KLHDC1: variants seen among roughly 807,000 people sequenced by gnomAD.
KLHDC1 encodes kelch domain-containing protein 1.
In KLHDC1, 53 loss-of-function variants were observed where a neutral mutation model predicts 68.3. The observed-to-expected ratio is 0.78, with a 90% confidence interval of 0.62 to 0.98. The LOEUF (loss-of-function observed/expected upper bound fraction) is 0.98. KLHDC1 is among the 50% of genes least tolerant of loss of function. The pLI, the probability that KLHDC1 is intolerant of heterozygous loss-of-function variation, is 0.00. For missense variants in KLHDC1, 470 were observed against 492.3 expected (o/e 0.95, Z 0.43); for synonymous variants, 148 against 159.0 (o/e 0.93, Z 0.52).
At chr14:49,702,168 C>CAACA (rs1227014852) in intron 1 of KLHDC1, among the ~76,000 whole-genome samples, 3 of 70,946 alleles carry the variant, frequency 4.2e-5, no homozygotes, top group Admixed American at 1.5e-4. Flanking sequence ...AATTCTGTCT[C>CAACA]AAAAAAAAAA....
At chr14:49,700,030 CTTTTTTT>C in intron 1 of KLHDC1, 1 of 309,216 alleles carries the variant, frequency 3.2e-6, no homozygotes. Context: ...TGCTGTGAAC[CTTTTTTT>C]TTTTTTTTTT....
At chr14:49,743,439 T>C (rs534606584) in intron 11 of KLHDC1, among the ~76,000 whole-genome samples, 2 of 150,880 alleles carry the variant, frequency 1.3e-5, no homozygotes, top group African/African-American at 4.9e-5. Flanking sequence ...ACTACCGTTA[T>C]TTTTTAACTC....
rs1887611030 is a variant in KLHDC1 at position 49,693,139 on chromosome 14, GCC to G, written c.-55_-54del. 2.0e-6 allele frequency: 3 copies of G among 1,480,460 alleles called. No homozygotes were observed. In the South Asian group the frequency reaches 3.7e-5, roughly 18 times the overall value. The allele number at this position is 1,480,460 out of a possible 1,614,324, so 91.7% of individuals were successfully genotyped here. A position where few individuals can be genotyped will look rare whatever the true frequency, so the allele number is the denominator to read the frequency against. On this transcript the variant is annotated 5_prime_UTR_variant, in exon 1 of 13. Transcript: ENST00000359332. The stretch of plus-strand genomic sequence containing the variant: ...TGGAGCAGTCGGGGCTGGAGGCGAG[GCC>G]GCCGGGCGGGCAGGGGTTGTGGCGC...
At chr14:49,700,298 A>C (rs2139729146) in intron 1 of KLHDC1, 1 of 165,036 alleles carries the variant, frequency 6.1e-6, no homozygotes, top group Middle Eastern at 2.9e-3. Flanking sequence ...AAGTATCTTC[A>C]CAGGCTGGGT....
At chr14:49,750,156 T>C (rs1173585231) in intron 12 of KLHDC1, among the ~76,000 whole-genome samples, 1 of 152,236 alleles carries the variant, frequency 6.6e-6, no homozygotes, top group Admixed American at 6.5e-5. Context: ...TGGCTCGCAC[T>C]GCCAGAGACA....
chr14:49,722,474 C>A (rs1888553420), intron 4 of KLHDC1, among the ~76,000 whole-genome samples: 1 of 152,108 alleles, frequency 6.6e-6, no homozygotes, highest in Non-Finnish European at 1.5e-5. Context: ...CATAGTATTC[C>A]ATGGTGTGTA....
intron 10 of KLHDC1, among the ~76,000 whole-genome samples, chr14:49,735,162 C>T (rs900543659): frequency 6.6e-6 from 1 of 151,600 alleles, no homozygotes. Context: ...AAAGAAAATA[C>T]GTTATTTATG....
At chr14:49,699,158 T>C (rs1887828472) in intron 1 of KLHDC1, among the ~76,000 whole-genome samples, 1 of 59,368 alleles carries the variant, frequency 1.7e-5, no homozygotes. Context: ...AGCAAGACTG[T>C]CTCAAAAAAA....
intron 1 of KLHDC1, among the ~76,000 whole-genome samples, chr14:49,694,811 G>A (rs912026226): frequency 6.6e-6 from 1 of 152,150 alleles, no homozygotes; most frequent in African/African-American, 2.4e-5. Context: ...CCAAGATTGC[G>A]CCATTGCATT....
At chr14:49,695,124 G>GTGTGTGTGTGTGTGTGTGTA (rs1555337478) in intron 1 of KLHDC1, among the ~76,000 whole-genome samples, 2 of 150,748 alleles carry the variant, frequency 1.3e-5, no homozygotes, top group African/African-American at 4.9e-5. Flanking sequence ...TGATGTGTGT[G>GTGTGTGTGTGTGTGTGTGTA]TGTGTGTGTG....
chr14:49,695,116 A>ATGTATGTG (rs1555337473), intron 1 of KLHDC1, among the ~76,000 whole-genome samples: 1 of 142,094 alleles, frequency 7.0e-6, no homozygotes, highest in Non-Finnish European at 1.5e-5. Context: ...TGCAGTTTTG[A>ATGTATGTG]TGTGTGTGTG....
chr14:49,711,801 T>G (rs1399280368), intron 4 of KLHDC1, among the ~76,000 whole-genome samples: 1 of 152,066 alleles, frequency 6.6e-6, no homozygotes, highest in Non-Finnish European at 1.5e-5. Context: ...TTTCCAGTTT[T>G]CAGATTTGCT....
At chr14:49,696,547 C>T (rs914161396) in intron 1 of KLHDC1, among the ~76,000 whole-genome samples, 2 of 152,108 alleles carry the variant, frequency 1.3e-5, no homozygotes, top group African/African-American at 2.4e-5. Context: ...CTTCAAACTT[C>T]TGCAGTTTCT....
chr14:49,736,836 C>G (rs1888940850), intron 10 of KLHDC1, among the ~76,000 whole-genome samples: 1 of 152,290 alleles, frequency 6.6e-6, no homozygotes, highest in East Asian at 1.9e-4. Flanking sequence ...CTAAAAATAT[C>G]TCCATATACT....
chr14:49,700,107 A>G (rs1594646788), intron 1 of KLHDC1: 2 of 296,510 alleles, frequency 6.7e-6, no homozygotes, highest in Admixed American at 5.0e-5. Flanking sequence ...GCTCACTGCA[A>G]CCTCCGCCTC....
intron 1 of KLHDC1, among the ~76,000 whole-genome samples, chr14:49,705,130 GTACTA>G (rs1888013961): frequency 6.6e-6 from 1 of 152,112 alleles, no homozygotes; most frequent in Non-Finnish European, 1.5e-5. Context: ...CTCTGAAAGA[GTACTA>G]TAAGAGAGAA....
intron 10 of KLHDC1, among the ~76,000 whole-genome samples, chr14:49,737,101 C>G (rs143558116): frequency 3.9e-5 from 6 of 152,310 alleles, no homozygotes; most frequent in African/African-American, 1.2e-4. Context: ...CAAGGTTACA[C>G]ATAGCCTTCT....
chr14:49,706,040 C>A (rs550224525), intron 1 of KLHDC1, among the ~76,000 whole-genome samples: 1 of 152,226 alleles, frequency 6.6e-6, no homozygotes, highest in South Asian at 2.1e-4. Flanking sequence ...TTATTATTGA[C>A]TATAGTCACC....
intron 4 of KLHDC1, among the ~76,000 whole-genome samples, chr14:49,711,910 C>CTTTTTTTTTTTTTTTTTTTTTTTTTTTT (rs992092493): frequency 1.3e-5 from 1 of 76,608 alleles, no homozygotes. Context: ...TTTTCTTTTT[C>CTTTTTTTTTTTTTTTTTTTTTTTTTTTT]TTTTTTTTTT....
Sources: gnomAD v4.1 joint callset for allele counts (sites outside exome capture counted in the v4.1 genomes callset) on GRCh38, gnomAD v4.1.1 for gene constraint, MANE v1.5 for transcripts, NCBI Gene and HGNC (gene_info 2026-07-23, HGNC 2026-07-21) for gene names.